The following PTPRD variants were observed in gnomAD, a reference collection of about 807,000 sequenced individuals.
PTPRD encodes receptor-type tyrosine-protein phosphatase delta.
Under a neutral mutation model 214.5 loss-of-function variants are expected in PTPRD, and 34 were observed. The observed-to-expected ratio is 0.16, with a 90% CI of 0.12 to 0.21. The LOEUF (loss-of-function observed/expected upper bound fraction) is 0.21. Among genes scored for constraint, PTPRD ranks in the 10% least tolerant of loss-of-function variants. The probability of loss-of-function intolerance (pLI) is 1.00; values close to 1 mark genes in which losing one functional copy is unlikely to be tolerated. For missense variants in PTPRD, 2,545 were observed against 2,398.7 expected (o/e 1.06, Z -1.27); for synonymous variants, 1,128 against 845.7 (o/e 1.33, Z -5.79).
At chr9:8,751,085 C>A (rs886516075) in intron 11 of PTPRD, among the ~76,000 whole-genome samples, 1 of 152,212 alleles carries the variant, frequency 6.6e-6, no homozygotes. Flanking sequence ...GCAGTCTCCT[C>A]TTCCCAATTC....
intron 3 of PTPRD, among the ~76,000 whole-genome samples, chr9:10,269,502 A>G (rs12553687): frequency 0.027 from 4,148 of 152,266 alleles, 244 homozygotes; most frequent in East Asian, 0.14. Context: ...CACCTGAGGA[A>G]AGAAAACCCT....
chr9:10,212,346 G>C (rs560373414), intron 3 of PTPRD, among the ~76,000 whole-genome samples: 1 of 152,196 alleles, frequency 6.6e-6, no homozygotes, highest in Admixed American at 6.5e-5. Flanking sequence ...GCATAAACGT[G>C]TAGCTAAAAG....
chr9:9,314,853 A>G (rs928798276), intron 9 of PTPRD, among the ~76,000 whole-genome samples: 1 of 152,018 alleles, frequency 6.6e-6, no homozygotes, highest in African/African-American at 2.4e-5. Flanking sequence ...CTGATGAAAT[A>G]CCATAGGCAC....
At chr9:9,325,054 T>TCTGTTTTGGTACAAGTACCACG (rs2136197258) in intron 9 of PTPRD, among the ~76,000 whole-genome samples, 1 of 152,324 alleles carries the variant, frequency 6.6e-6, no homozygotes, top group African/African-American at 2.4e-5. Context: ...GATCTATATC[T>TCTGTTTTGGTACAAGTACCACG]CTGTTTTGGT....
chr9:9,339,105 A>T (rs753526255), intron 9 of PTPRD, among the ~76,000 whole-genome samples: 56 of 152,300 alleles, frequency 3.7e-4, no homozygotes, highest in African/African-American at 9.9e-4. Context: ...GCTTCTCCAT[A>T]GGCATGAACA....
At chr9:9,927,030 T>C (rs1602430460) in intron 5 of PTPRD, among the ~76,000 whole-genome samples, 2 of 152,316 alleles carry the variant, frequency 1.3e-5, no homozygotes, top group Middle Eastern at 6.8e-3. Context: ...TTGAAGTTTA[T>C]ATTTTATATG....
At chr9:9,789,615 A>G (rs941416838) in intron 5 of PTPRD, among the ~76,000 whole-genome samples, 1 of 151,524 alleles carries the variant, frequency 6.6e-6, no homozygotes, top group African/African-American at 2.4e-5. Context: ...GGCTAACACG[A>G]TGAAACCCCG....
intron 7 of PTPRD, among the ~76,000 whole-genome samples, chr9:9,701,769 G>A (rs10511527): frequency 0.084 from 12,717 of 152,134 alleles, 709 homozygotes; most frequent in African/African-American, 0.15. Flanking sequence ...GAGTCTACAC[G>A]AGAGTTTCAG....
At position 9,687,395 on chromosome 9, in the gene PTPRD, G is replaced by A. The variant is rs558289855; in HGVS notation, c.-287+47138C>T. Among the ~76,000 whole-genome samples the A allele has an allele frequency of 3.3e-5, 5 of 151,758 alleles. No homozygotes were observed. The South Asian group carries it at 1.0e-3, about 31-fold the overall frequency. On this transcript the variant is annotated intron_variant, in intron 7 of 45. Transcript: ENST00000381196. ...TTCATAAGGGAGGTTTTATCCTCTT[G>A]AGCTGTTTCTCAGGGTTTCCTGATG... is the stretch of plus-strand genomic sequence containing the variant.
intron 35 of PTPRD, among the ~76,000 whole-genome samples, chr9:8,434,615 C>T (rs536327185): frequency 1.3e-5 from 2 of 152,144 alleles, no homozygotes; most frequent in Admixed American, 6.5e-5. Flanking sequence ...TAATTTGTAA[C>T]CCATTACATA....
chr9:9,361,081 T>A (rs914259014), intron 9 of PTPRD, among the ~76,000 whole-genome samples: 1 of 151,206 alleles, frequency 6.6e-6, no homozygotes, highest in African/African-American at 2.4e-5. Flanking sequence ...CCAGGAAGAA[T>A]ACAGCTAATC....
intron 9 of PTPRD, among the ~76,000 whole-genome samples, chr9:9,271,136 G>C (rs1942747774): frequency 6.6e-6 from 1 of 150,860 alleles, no homozygotes; most frequent in Non-Finnish European, 1.5e-5. Flanking sequence ...TTACATATTA[G>C]AATTAGAAAA....
chr9:9,878,038 A>G (rs1447332350), intron 5 of PTPRD, among the ~76,000 whole-genome samples: 1 of 151,662 alleles, frequency 6.6e-6, no homozygotes, highest in Non-Finnish European at 1.5e-5. Flanking sequence ...TTGCCCCTCT[A>G]AAATTCAAGT....
intron 7 of PTPRD, among the ~76,000 whole-genome samples, chr9:9,643,077 G>C (rs138588537): frequency 6.6e-6 from 1 of 152,324 alleles, no homozygotes; most frequent in African/African-American, 2.4e-5. Context: ...ATGACAGAGA[G>C]GGAGAGAGAG....
intron 4 of PTPRD, among the ~76,000 whole-genome samples, chr9:9,973,397 G>A (rs1015562357): frequency 3.6e-4 from 54 of 151,994 alleles, no homozygotes; most frequent in African/African-American, 1.2e-3. Context: ...ACTTAACCCA[G>A]GAGACAAGAG....
intron 14 of PTPRD, among the ~76,000 whole-genome samples, chr9:8,603,662 C>T (rs1162675858): frequency 1.3e-5 from 2 of 152,044 alleles, no homozygotes; most frequent in Non-Finnish European, 2.9e-5. Context: ...AATATAAATC[C>T]AACTATAGTT....
At chr9:9,427,916 TA>T in intron 8 of PTPRD, among the ~76,000 whole-genome samples, 1 of 152,226 alleles carries the variant, frequency 6.6e-6, no homozygotes, top group African/African-American at 2.4e-5. Flanking sequence ...AAAGAAGCAC[TA>T]AACGTGGAAA....
chr9:8,812,805 A>G (rs906472839), intron 11 of PTPRD, among the ~76,000 whole-genome samples: 1 of 151,828 alleles, frequency 6.6e-6, no homozygotes, highest in Non-Finnish European at 1.5e-5. Flanking sequence ...TACCTCAGAA[A>G]CATTGTTTAG....
intron 3 of PTPRD, among the ~76,000 whole-genome samples, chr9:10,270,620 A>G (rs2094363218): frequency 6.6e-6 from 1 of 152,160 alleles, no homozygotes; most frequent in South Asian, 2.1e-4. Flanking sequence ...TCCTTGGAAA[A>G]CACTTCAGGC....
Sources: gnomAD v4.1 joint callset for allele counts (sites outside exome capture counted in the v4.1 genomes callset) on GRCh38, gnomAD v4.1.1 for gene constraint, MANE v1.5 for transcripts, NCBI Gene and HGNC (gene_info 2026-07-23, HGNC 2026-07-21) for gene names.